The following GAS7 variants were observed in gnomAD, a reference collection of about 807,000 sequenced individuals.
GAS7 encodes growth arrest-specific protein 7.
In GAS7, 28 loss-of-function variants were observed where a neutral mutation model predicts 71.1. The observed-to-expected ratio is 0.39, with a 90% CI of 0.29 to 0.54. The LOEUF (loss-of-function observed/expected upper bound fraction) is 0.54. GAS7 is among the 20% of genes least tolerant of loss of function. GAS7 has a pLI of 0.62. For synonymous variants in GAS7, 258 were observed against 245.8 expected (o/e 1.05, Z -0.46); for missense variants, 436 against 627.8 (o/e 0.69, Z 3.27).
At chr17:10,118,119 C>T (rs747229613) in intron 1 of GAS7, among the ~76,000 whole-genome samples, 2 of 152,116 alleles carry the variant, frequency 1.3e-5, no homozygotes, top group African/African-American at 2.4e-5. Context: ...CTCTCCAGGG[C>T]GTGGAGACAG....
intron 3 of GAS7, among the ~76,000 whole-genome samples, chr17:9,975,532 C>T (rs927827370): frequency 7.8e-6 from 1 of 127,648 alleles, no homozygotes; most frequent in Non-Finnish European, 1.7e-5. Context: ...TTCTTTCTCA[C>T]CCCCCCCTTT....
chr17:10,114,740 G>C (rs1228065759), intron 1 of GAS7, among the ~76,000 whole-genome samples: 1 of 151,470 alleles, frequency 6.6e-6, no homozygotes, highest in Non-Finnish European at 1.5e-5. Flanking sequence ...ACACTGTGTT[G>C]TGTGACAGCT....
At chr17:9,917,642 C>T (rs1405687838) in intron 13 of GAS7, among the ~76,000 whole-genome samples, 2 of 152,224 alleles carry the variant, frequency 1.3e-5, no homozygotes, top group Admixed American at 6.5e-5. Context: ...GTGAACAGGA[C>T]AAATAAAACT....
At chr17:10,020,847 A>T (rs1390264022) in intron 1 of GAS7, among the ~76,000 whole-genome samples, 1 of 152,200 alleles carries the variant, frequency 6.6e-6, no homozygotes, top group Non-Finnish European at 1.5e-5. Context: ...TAGGAGGCGG[A>T]GGTTGCAGTG....
At chr17:9,922,067 T>TA (rs544514466) in intron 11 of GAS7, among the ~76,000 whole-genome samples, 60 of 152,206 alleles carry the variant, frequency 3.9e-4, no homozygotes, top group Non-Finnish European at 6.9e-4. Flanking sequence ...TCTTCATCTG[T>TA]AAAATGGAGA....
At chr17:10,102,064 T>C (rs2073706012) in intron 1 of GAS7, among the ~76,000 whole-genome samples, 2 of 152,174 alleles carry the variant, frequency 1.3e-5, no homozygotes, top group Non-Finnish European at 2.9e-5. Context: ...ATAGGGTCAT[T>C]GTTTAGCTCA....
chr17:10,143,948 A>G (rs1046298986), intron 1 of GAS7, among the ~76,000 whole-genome samples: 1 of 152,184 alleles, frequency 6.6e-6, no homozygotes, highest in Non-Finnish European at 1.5e-5. Context: ...GAGGGGGCTT[A>G]AGGTAGGCCC....
At chr17:9,936,084 G>A (rs1263048872) in intron 8 of GAS7, among the ~76,000 whole-genome samples, 1 of 152,174 alleles carries the variant, frequency 6.6e-6, no homozygotes, top group Non-Finnish European at 1.5e-5. Flanking sequence ...AGAGACAACC[G>A]TACATCCACA....
intron 2 of GAS7, among the ~76,000 whole-genome samples, chr17:10,000,068 A>G (rs7224642): frequency 0.24 from 36,721 of 152,120 alleles, 6,877 homozygotes; most frequent in African/African-American, 0.53. Flanking sequence ...GCACTGACTA[A>G]GACTTGGTCT....
chr17:9,971,677 C>A lies in GAS7; in HGVS notation c.386-1915G>T, dbSNP rs146167528. ...GTGATCTCAGGAGACCAGGACGATG[C>A]GCCATCCCGTGACCCAGGCTTCAAG... is the stretch of plus-strand genomic sequence containing the variant. On this transcript the variant is annotated intron_variant, in intron 3 of 13. Transcript: ENST00000432992. 1.9e-4 allele frequency among the ~76,000 whole-genome samples: 29 copies of A among 152,202 alleles called. 2 individuals are homozygous for A. In the East Asian group the frequency reaches 3.9e-3, roughly 20 times the overall value.
At chr17:9,925,221 T>A (rs1241976641) in intron 11 of GAS7, among the ~76,000 whole-genome samples, 1 of 151,794 alleles carries the variant, frequency 6.6e-6, no homozygotes, top group Admixed American at 6.6e-5. Flanking sequence ...GAGTAAGGAG[T>A]CCAGCCTCTA....
At chr17:10,043,036 A>G (rs1447951491) in intron 1 of GAS7, among the ~76,000 whole-genome samples, 1 of 152,170 alleles carries the variant, frequency 6.6e-6, no homozygotes, top group South Asian at 2.1e-4. Context: ...AGCTGGAGGC[A>G]TCTGCTCAGA....
At chr17:10,175,012 A>G (rs542671033) in intron 1 of GAS7, among the ~76,000 whole-genome samples, 1 of 151,996 alleles carries the variant, frequency 6.6e-6, no homozygotes, top group Admixed American at 6.6e-5. Context: ...CGCCTGGCTA[A>G]TTTTTTATTT....
chr17:9,938,879 C>A lies in GAS7; in HGVS notation c.806+1247G>T, dbSNP rs1354597626. Among the ~76,000 whole-genome samples the A allele has an allele frequency of 3.3e-5, 5 of 152,296 alleles. No individual in the cohort carries two copies. The South Asian group carries it at 6.2e-4, about 19-fold the overall frequency. On this transcript the variant is annotated intron_variant, in intron 8 of 13. Coordinates refer to ENST00000432992, the MANE Select transcript of GAS7 (RefSeq NM_201433.2). ...ATAAATGGAATCATACACTATGAGA[C>A]CTTTTGTGCCTGGCTTCTGTAACTT...
chr17:9,916,836 T>C lies in GAS7; in HGVS notation c.*392A>G. 2 of 431,608 alleles carry C rather than the reference T, an allele frequency of 4.6e-6. No individual in the cohort carries two copies. Among genetic ancestry groups the C allele is most frequent in the Non-Finnish European group, 8.2e-6 (2 of 244,636 alleles). The allele number at this position is 431,608 out of a possible 1,614,324, so 26.7% of individuals were successfully genotyped here. A position where few individuals can be genotyped will look rare whatever the true frequency, so the allele number is the denominator to read the frequency against. Reference sequence around the variant, plus strand: ...CTTAGAGACAGAGCCCTCCCTACCCTGATCCTCCAAAGCCCTGGAGACAAG... The same window carrying C: ...CTTAGAGACAGAGCCCTCCCTACCCCGATCCTCCAAAGCCCTGGAGACAAG... On this transcript the variant is annotated 3_prime_UTR_variant, in exon 14 of 14. Coordinates refer to ENST00000432992, the MANE Select transcript of GAS7 (RefSeq NM_201433.2).
At position 10,039,000 on chromosome 17, in the gene GAS7, T is replaced by C. The variant is rs181181078; in HGVS notation, c.184-19103A>G. ...GAGGCACCTAGAGAAGTCAAATTAA[T>C]AGCGACAGGTTGCAGAATGGAGGTG... On this transcript the variant is annotated intron_variant, in intron 1 of 13. Transcript: ENST00000432992. 7.8e-4 allele frequency among the ~76,000 whole-genome samples: 119 copies of C among 152,220 alleles called. 1 individual carries two copies. The highest frequency in any genetic ancestry group is 2.6e-3 in the African/African-American group (110 of 41,536).
At position 10,038,040 on chromosome 17, in the gene GAS7, A is replaced by G. The variant is rs777837429; in HGVS notation, c.184-18143T>C. On this transcript the variant is annotated intron_variant, in intron 1 of 13. Transcript: ENST00000432992. ...TACAGTGAGATATTAGCTCACACCC[A>G]TTAGGACAGGTTCTTAAAAAAAAAA... Among the ~76,000 whole-genome samples, 8 of 152,022 alleles carry G rather than the reference A, an allele frequency of 5.3e-5. 1 individual carries two copies.
intron 4 of GAS7, among the ~76,000 whole-genome samples, chr17:9,963,469 T>C (rs768233): frequency 0.12 from 17,925 of 152,050 alleles, 2,909 homozygotes; most frequent in African/African-American, 0.36. Context: ...AAGCAGTTTT[T>C]TGGTGGGGGA....
At chr17:10,173,740 C>A (rs1230986029) in intron 1 of GAS7, among the ~76,000 whole-genome samples, 1 of 150,782 alleles carries the variant, frequency 6.6e-6, no homozygotes, top group African/African-American at 2.4e-5. Context: ...TGCACTGCAG[C>A]CTGGGGGACA....
Sources: gnomAD v4.1 joint callset for allele counts (sites outside exome capture counted in the v4.1 genomes callset) on GRCh38, gnomAD v4.1.1 for gene constraint, MANE v1.5 for transcripts, NCBI Gene and HGNC (gene_info 2026-07-23, HGNC 2026-07-21) for gene names.